The following TM6SF2 variants were observed in gnomAD, a reference collection of about 807,000 sequenced individuals.
The protein encoded by TM6SF2 is transmembrane 6 superfamily member 2.
In TM6SF2, 29 loss-of-function variants were observed where a neutral mutation model predicts 41.0. The ratio of observed to expected loss-of-function variants is 0.71; its 90% confidence interval spans 0.53 to 0.96. The LOEUF is 0.96. TM6SF2 is among the 50% of genes least tolerant of loss of function. The pLI, the probability that TM6SF2 is intolerant of heterozygous loss-of-function variation, is 0.00. For synonymous variants in TM6SF2, 200 were observed against 209.1 expected (o/e 0.96, Z 0.37); for missense variants, 475 against 499.0 (o/e 0.95, Z 0.46).
chr19:19,264,536 C>G lies in TM6SF2; in HGVS notation c.*128G>C. The G allele has an allele frequency of 1.3e-6, 1 of 799,554 alleles. No homozygotes were observed. Among genetic ancestry groups the G allele is most frequent in the Non-Finnish European group, 1.8e-6 (1 of 570,586 alleles). The allele number at this position is 799,554 out of a possible 1,614,324, so 49.5% of individuals were successfully genotyped here. A position where few individuals can be genotyped will look rare whatever the true frequency, so the allele number is the denominator to read the frequency against. On this transcript the variant is annotated 3_prime_UTR_variant, in exon 10 of 10. Coordinates refer to ENST00000389363, the MANE Select transcript of TM6SF2 (RefSeq NM_001001524.3). Reference sequence around the variant, plus strand: ...CTCCATCCCACCCACTGGACTGAAACTACCATAGCCAAGACTAAAGACACC... The same window carrying G: ...CTCCATCCCACCCACTGGACTGAAAGTACCATAGCCAAGACTAAAGACACC...
intron 4 of TM6SF2, chr19:19,269,972 G>A: frequency 6.7e-7 from 1 of 1,482,638 alleles, no homozygotes; most frequent in Non-Finnish European, 9.0e-7. Flanking sequence ...CAGGCACAGG[G>A]TGGATGTAAG....
rs770924273 is a variant in TM6SF2 at position 19,271,071 on chromosome 19, C to T, written c.150G>A (p.Ala50=). 3.3e-5 allele frequency: 53 copies of T among 1,614,144 alleles called. 2 individuals are homozygous for T. In the East Asian group the frequency reaches 6.5e-4, roughly 20 times the overall value. The change falls in exon 2 of 10, where the codon GCG becomes GCA. Residue 50 remains alanine (A), a synonymous_variant. Transcript: ENST00000389363. The part of the protein sequence containing the change: ...SALILGLLFV[A]VYSLSHGEVS... Reference sequence around the variant, plus strand: ...CCTCGCCATGGGACAAGCTGTAGACCGCCACGAAAAGCAGACCCAGGATTA... The same window carrying T: ...CCTCGCCATGGGACAAGCTGTAGACTGCCACGAAAAGCAGACCCAGGATTA...
Position 19,270,289 on chromosome 19 carries a change from G to T in TM6SF2, c.298-13C>A. The T allele has an allele frequency of 6.2e-7, 1 of 1,614,234 alleles. No homozygotes were observed. Among genetic ancestry groups the T allele is most frequent in the Non-Finnish European group, 8.5e-7 (1 of 1,180,022 alleles). ...GGTATGGCTCTCCCTGTGGGGGCAG[G>T]TGGGAGACTCAGACGGGCAGTGCGG... On this transcript the variant is annotated splice_polypyrimidine_tract_variant and intron_variant, in intron 3 of 9. Transcript: ENST00000389363.
intron 1 of TM6SF2, among the ~76,000 whole-genome samples, chr19:19,271,691 C>T (rs993145340): frequency 4.6e-5 from 7 of 151,902 alleles, no homozygotes; most frequent in South Asian, 2.1e-4. Context: ...CCACCACACC[C>T]GGCTAATTTT....
Position 19,264,754 on chromosome 19 carries a change from G to T in TM6SF2, c.1044C>A (p.His348Gln). 1.2e-6 allele frequency: 2 copies of T among 1,608,538 alleles called. No individual in the cohort carries two copies. Among genetic ancestry groups the T allele is most frequent in the Non-Finnish European group, 1.7e-6 (2 of 1,177,518 alleles). The part of the protein sequence containing the change: ...VCNLLYALGP[H>Q]LLAYRCLQWP... ...ACTGAAGGCAACGGTAGGCCAGCAG[G>T]TGGGGGCCCAGCGCATACAGCAGAT... is the stretch of plus-strand genomic sequence containing the variant. Residue 348 changes from histidine (H) to glutamine (Q), a missense_variant, in exon 10 of 10, where the codon CAC becomes CAA. Physicochemically the swap from His to Gln is conservative, Grantham distance 24. Coordinates refer to ENST00000389363, the MANE Select transcript of TM6SF2 (RefSeq NM_001001524.3).
At chr19:19,266,656 T>C in intron 8 of TM6SF2, 47 bp from the exon 9 acceptor site, 1 of 1,572,330 alleles carries the variant, frequency 6.4e-7, no homozygotes, top group Non-Finnish European at 8.6e-7. Flanking sequence ...GATGAGCAGC[T>C]ACCCCAGGTG....
intron 9 of TM6SF2, 48 bp from the exon 10 acceptor site, chr19:19,264,921 G>A: frequency 3.6e-6 from 5 of 1,404,298 alleles, no homozygotes; most frequent in Non-Finnish European, 3.8e-6. Flanking sequence ...GGAAGGAACT[G>A]AAATCCCAGC....
In TM6SF2 at chr19:19,271,031, G is replaced by A; in HGVS notation, c.190C>T (p.Leu64Phe). The A allele has an allele frequency of 6.2e-7, 1 of 1,613,988 alleles. No individual in the cohort carries two copies. Among genetic ancestry groups the A allele is most frequent in the Non-Finnish European group, 8.5e-7 (1 of 1,179,846 alleles). ...LSHGEVSYDP[L>F]YAVFAVFAFT... ...CTTCCCACTGACTCACCAGCATAGA[G>A]TGGGTCATAGGAGACCTCGCCATGG... The change falls in exon 2 of 10, where the codon CTC (leucine) becomes TTC (phenylalanine). Residue 64 changes from leucine to phenylalanine, a missense_variant. By Grantham distance (22) the Leu-to-Phe change is conservative (BLOSUM62 0). This residue lies in a region of TM6SF2 where 238 missense variants were observed against 228.6 expected (regional missense o/e 1.04). Transcript: ENST00000389363.
At position 19,267,711 on chromosome 19, in the gene TM6SF2, C is replaced by T. The variant is rs761875061; in HGVS notation, c.714G>A (p.Val238=). Residue 238 remains valine, a splice_region_variant and synonymous_variant, in exon 8 of 10, where the codon GTG becomes GTA. Transcript: ENST00000389363. Reference sequence around the variant, plus strand: ...AGGCATCTGTGGGGCAATCAAGCACCACCTGGAGCAGACAGACATACCAAG... The same window carrying T: ...AGGCATCTGTGGGGCAATCAAGCACTACCTGGAGCAGACAGACATACCAAG... ...AGFFTLFRGL[V]VLDCPTDACF... 6.2e-7 allele frequency: 1 copy of T among 1,613,460 alleles called. No homozygotes were observed. The highest frequency in any genetic ancestry group is 1.7e-5 in the Admixed American group (1 of 59,942).
At chr19:19,268,818 G>A (rs2035671115) in intron 5 of TM6SF2, 64 bp from the exon 6 acceptor site, 8 of 1,511,006 alleles carry the variant, frequency 5.3e-6, no homozygotes, top group Non-Finnish European at 6.1e-6. Context: ...CTGTTTGTTT[G>A]TTTGTTCTGA....
At chr19:19,267,752 C>T in intron 7 of TM6SF2, 39 bp from the exon 8 acceptor site, 1 of 1,588,572 alleles carries the variant, frequency 6.3e-7, no homozygotes, top group Non-Finnish European at 8.6e-7. Flanking sequence ...TCAGACATAC[C>T]TCCCACAGGA....
chr19:19,270,233 T>C lies in TM6SF2; in HGVS notation c.341A>G (p.Tyr114Cys). 6.2e-7 allele frequency: 1 copy of C among 1,614,164 alleles called. No individual in the cohort carries two copies. The highest frequency in any genetic ancestry group is 8.5e-7 in the Non-Finnish European group (1 of 1,180,028). Residue 114 changes from tyrosine to cysteine, a missense_variant, in exon 4 of 10, where the codon TAC (tyrosine) becomes TGC (cysteine). Transcript: ENST00000389363. ...LRTAHGVFIC[Y>C]WDGTVHYLLY... ...GAGGTAGTGAACAGTGCCATCCCAG[T>C]AGCAGATGAAGACTCCGTGCGCTGT...
rs917527710 is a variant in TM6SF2 at position 19,273,243 on chromosome 19, C to A, written c.-28G>T. The A allele has an allele frequency of 8.9e-6, 12 of 1,351,728 alleles. No homozygotes were observed. The South Asian group carries it at 1.7e-4, about 20-fold the overall frequency. The allele number at this position is 1,351,728 out of a possible 1,614,324, so 83.7% of individuals were successfully genotyped here. A position where few individuals can be genotyped will look rare whatever the true frequency, so the allele number is the denominator to read the frequency against. Reference sequence around the variant, plus strand: ...CGGCGGCTGCTGGACCCCGGCTCAGCCCCGACGCGTTCTCCAGGGCGCTCG... The same window carrying A: ...CGGCGGCTGCTGGACCCCGGCTCAGACCCGACGCGTTCTCCAGGGCGCTCG... On this transcript the variant is annotated 5_prime_UTR_variant, in exon 1 of 10. Transcript: ENST00000389363.
In TM6SF2 at chr19:19,270,261, G is replaced by A. The variant is rs1167139822; in HGVS notation, c.313C>T (p.Arg105Cys). 6.8e-6 allele frequency: 11 copies of A among 1,614,108 alleles called. No homozygotes were observed. Among genetic ancestry groups the A allele is most frequent in the Non-Finnish European group, 9.3e-6 (11 of 1,180,048 alleles). ...FYTKEGEPYL[R>C]TAHGVFICYW... is the part of the protein sequence containing the mutation. Reference sequence around the variant, plus strand: ...CAGATGAAGACTCCGTGCGCTGTGCGCAGGTATGGCTCTCCCTGTGGGGGC... The same window carrying A: ...CAGATGAAGACTCCGTGCGCTGTGCACAGGTATGGCTCTCCCTGTGGGGGC... The change falls in exon 4 of 10, where the codon CGC (arginine) becomes TGC (cysteine). Residue 105 changes from arginine to cysteine, a missense_variant. Physicochemically the swap from Arg to Cys is radical, Grantham distance 180. This residue lies in a region of TM6SF2 where 238 missense variants were observed against 228.6 expected (regional missense o/e 1.04). Coordinates refer to ENST00000389363, the MANE Select transcript of TM6SF2 (RefSeq NM_001001524.3).
chr19:19,269,486 G>A (rs1198410035), intron 5 of TM6SF2, among the ~76,000 whole-genome samples: 1 of 152,188 alleles, frequency 6.6e-6, no homozygotes, highest in East Asian at 1.9e-4. Flanking sequence ...GGAGGAAGCA[G>A]AGTTGGGTTC....
chr19:19,270,253 C>A lies in TM6SF2; in HGVS notation c.321G>T (p.Ala107=). Residue 107 remains alanine, a synonymous_variant, in exon 4 of 10, where the codon GCG becomes GCT. Transcript: ENST00000389363. ...TKEGEPYLRT[A]HGVFICYWDG... ...CCCAGTAGCAGATGAAGACTCCGTG[C>A]GCTGTGCGCAGGTATGGCTCTCCCT... The A allele has an allele frequency of 6.2e-7, 1 of 1,614,230 alleles. No individual in the cohort carries two copies.
intron 2 of TM6SF2, 99 bp from the exon 3 acceptor site, chr19:19,270,541 G>C: frequency 1.4e-6 from 2 of 1,429,482 alleles, no homozygotes; most frequent in Non-Finnish European, 1.9e-6. Context: ...GGTCAGGGAT[G>C]AGATTATTCC....
chr19:19,265,450 G>T (rs1383713125), intron 9 of TM6SF2, among the ~76,000 whole-genome samples: 1 of 149,244 alleles, frequency 6.7e-6, no homozygotes, highest in East Asian at 2.0e-4. Context: ...ATAGGGTCTT[G>T]CTCTGTTGGC....
intron 9 of TM6SF2, 114 bp from the exon 10 acceptor site, chr19:19,264,987 C>A (rs1029183285): frequency 2.4e-5 from 14 of 583,924 alleles, no homozygotes; most frequent in Non-Finnish European, 3.9e-5. Context: ...CCCATCCCCA[C>A]CTCTCGGGCT....
Sources: gnomAD v4.1 joint callset for allele counts (sites outside exome capture counted in the v4.1 genomes callset) on GRCh38, gnomAD v4.1.1 for gene constraint, gnomAD v4.1.1 regional missense constraint, MANE v1.5 for transcripts, NCBI Gene and HGNC (gene_info 2026-07-23, HGNC 2026-07-21) for gene names.